WDR25: variants seen among roughly 807,000 people sequenced by gnomAD.
WDR25 encodes WD repeat-containing protein 25.
Under a neutral mutation model 47.7 loss-of-function variants are expected in WDR25, and 35 were observed. The ratio of observed to expected loss-of-function variants is 0.73; its 90% CI spans 0.56 to 0.97. The LOEUF (loss-of-function observed/expected upper bound fraction) is 0.97, where lower values mean the gene tolerates loss of function less well. Among genes scored for constraint, WDR25 ranks in the 50% least tolerant of loss-of-function variants. The pLI is 0.00. For missense variants in WDR25, 634 were observed against 704.7 expected, an observed-to-expected ratio of 0.90 and a Z score of 1.14; for synonymous variants, 248 against 278.9, an observed-to-expected ratio of 0.89 and a Z score of 1.10.
intron 2 of WDR25, among the ~76,000 whole-genome samples, chr14:100,451,499 C>T (rs1899031176): frequency 1.3e-5 from 2 of 152,220 alleles, no homozygotes. Context: ...GGATTACAGG[C>T]ATCAGCCACC....
chr14:100,384,357 C>A (rs1442449282), intron 2 of WDR25, among the ~76,000 whole-genome samples: 1 of 152,232 alleles, frequency 6.6e-6, no homozygotes, highest in Non-Finnish European at 1.5e-5. Flanking sequence ...TGACTTTGAA[C>A]AACTTTTCAG....
chr14:100,460,384 T>G (rs534667821), intron 2 of WDR25, among the ~76,000 whole-genome samples: 1 of 152,238 alleles, frequency 6.6e-6, no homozygotes, highest in African/African-American at 2.4e-5. Context: ...AGTGCTGGGA[T>G]TACAGGTGTG....
intron 2 of WDR25, among the ~76,000 whole-genome samples, chr14:100,402,592 G>A (rs1435386684): frequency 3.9e-5 from 6 of 152,100 alleles, no homozygotes; most frequent in African/African-American, 1.2e-4. Context: ...CAATTTCTGG[G>A]TGTTGGTTTC....
intron 2 of WDR25, among the ~76,000 whole-genome samples, chr14:100,431,033 C>G (rs2140231112): frequency 6.6e-6 from 1 of 152,340 alleles, no homozygotes. Context: ...ATTAACCACA[C>G]TTACAGATTG....
intron 2 of WDR25, among the ~76,000 whole-genome samples, chr14:100,403,806 T>C (rs917637094): frequency 6.6e-6 from 1 of 152,166 alleles, no homozygotes; most frequent in Admixed American, 6.5e-5. Context: ...CTAATTGAAA[T>C]GCACATGAAG....
chr14:100,419,843 T>G (rs866336588), intron 2 of WDR25, among the ~76,000 whole-genome samples: 1 of 152,286 alleles, frequency 6.6e-6, no homozygotes, highest in Middle Eastern at 3.4e-3. Flanking sequence ...GAGATGCAAA[T>G]GCTTAGAAAC....
intron 3 of WDR25, among the ~76,000 whole-genome samples, chr14:100,473,863 C>T (rs563539559): frequency 1.0e-3 from 154 of 152,290 alleles, no homozygotes; most frequent in African/African-American, 3.4e-3. Context: ...GCTGGAGTTT[C>T]GCTAGCGTAG....
rs1900940170 is a variant in WDR25 at position 100,502,004 on chromosome 14, C to G, written c.1101+17880C>G. Among the ~76,000 whole-genome samples the G allele has an allele frequency of 6.6e-6, 1 of 152,228 alleles. No homozygotes were observed. The highest frequency in any genetic ancestry group is 6.5e-5 in the Admixed American group (1 of 15,288). ...AGGGAGCCCTCCTTCCCTGTCCGCTCCTACCACCCTTTGGTGGATCCTATT... is the reference window on the plus strand; with the variant it reads ...AGGGAGCCCTCCTTCCCTGTCCGCTGCTACCACCCTTTGGTGGATCCTATT... On this transcript the variant is annotated intron_variant, in intron 4 of 6. Coordinates refer to ENST00000402312, the MANE Select transcript of WDR25 (RefSeq NM_001161476.3). This position sits in a 1 kb window ranked among gnomAD's most constrained non-coding sequence, Gnocchi z 4.5.
intron 2 of WDR25, among the ~76,000 whole-genome samples, chr14:100,393,224 G>A (rs1424828729): frequency 2.0e-5 from 3 of 152,206 alleles, no homozygotes; most frequent in African/African-American, 4.8e-5. Context: ...TACTCACAGT[G>A]TATTTACACA....
chr14:100,490,295 G>A (rs1900520430), intron 4 of WDR25, among the ~76,000 whole-genome samples: 1 of 152,222 alleles, frequency 6.6e-6, no homozygotes, highest in Admixed American at 6.5e-5. Flanking sequence ...AGGGAGGGAG[G>A]GGAGGCAGGA....
At chr14:100,420,721 C>T (rs2140211486) in intron 2 of WDR25, among the ~76,000 whole-genome samples, 1 of 152,282 alleles carries the variant, frequency 6.6e-6, no homozygotes, top group African/African-American at 2.4e-5. Context: ...ATGTGGTGTT[C>T]ACCACTGTAT....
At chr14:100,411,258 C>T (rs1362647925) in intron 2 of WDR25, among the ~76,000 whole-genome samples, 2 of 152,052 alleles carry the variant, frequency 1.3e-5, no homozygotes, top group Non-Finnish European at 2.9e-5. Context: ...GCAAGCAACC[C>T]CAAGGTGCCT....
rs144635721 is a variant in WDR25, at chr14:100,529,833, C to T, written c.1427C>T (p.Ser476Leu). The change falls in exon 7 of 7, where the codon TCA becomes TTA. Residue 476 changes from serine (S) to leucine (L), a missense_variant. By Grantham distance (145) the Ser-to-Leu change is moderately radical. Transcript: ENST00000402312. The surrounding 1 kb of genome is among the most constrained non-coding windows in gnomAD (Gnocchi z 5.1). ...CCCTCTCTGCAGGTGGAGGGCTACT[C>T]AGTGGGCTGCGAGTGCTCCCCAGGC... Reference protein sequence around the residue: ...RYEGHKVEGYSVGCECSPGGD... With the variant: ...RYEGHKVEGYLVGCECSPGGD... 3.7e-6 allele frequency: 6 copies of T among 1,612,022 alleles called. No homozygotes were observed. The Admixed American group carries it at 5.0e-5, about 13-fold the overall frequency.
At chr14:100,448,043 A>C (rs1898895052) in intron 2 of WDR25, among the ~76,000 whole-genome samples, 2 of 152,256 alleles carry the variant, frequency 1.3e-5, no homozygotes, top group South Asian at 2.1e-4. Flanking sequence ...AAAATACAAA[A>C]AATTAGCCAG....
intron 2 of WDR25, among the ~76,000 whole-genome samples, chr14:100,419,240 A>C (rs2140208767): frequency 6.6e-6 from 1 of 151,586 alleles, no homozygotes; most frequent in Admixed American, 6.6e-5. Context: ...AAAAAAAAAA[A>C]ATTTATTTCC....
At chr14:100,426,480 G>T (rs8017347) in intron 2 of WDR25, among the ~76,000 whole-genome samples, 7,069 of 152,310 alleles carry the variant, frequency 0.046, 528 homozygotes, top group African/African-American at 0.16. Context: ...TCAGGCAGGC[G>T]TGCAGAGCTG....
intron 2 of WDR25, among the ~76,000 whole-genome samples, chr14:100,389,764 G>A (rs76124828): frequency 0.039 from 5,986 of 152,264 alleles, 320 homozygotes; most frequent in African/African-American, 0.12. Context: ...CAACCAAAGC[G>A]GCCCTAGAAC....
chr14:100,425,404 A>C lies in WDR25; in HGVS notation c.823-42617A>C, dbSNP rs1898139238. 6.6e-6 allele frequency among the ~76,000 whole-genome samples: 1 copy of C among 152,264 alleles called. No individual in the cohort carries two copies. The highest frequency in any genetic ancestry group is 6.5e-5 in the Admixed American group (1 of 15,288). On this transcript the variant is annotated intron_variant, in intron 2 of 6. Coordinates refer to ENST00000402312, the MANE Select transcript of WDR25 (RefSeq NM_001161476.3). This position sits in a 1 kb window ranked among gnomAD's most constrained non-coding sequence, Gnocchi z 4.8. ...ATATACAAATGTTGCCATAGGTTGC[A>C]GAGCTAAAAATTAGGGAGGCTAGGA...
intron 2 of WDR25, among the ~76,000 whole-genome samples, chr14:100,395,085 C>T (rs576945052): frequency 6.0e-4 from 92 of 152,318 alleles, no homozygotes; most frequent in Non-Finnish European, 1.1e-3. Context: ...AGTGCTTGGG[C>T]TGGTCATCAG....
Sources: allele counts gnomAD v4.1 joint callset (sites outside exome capture counted in the v4.1 genomes callset), GRCh38; gene constraint gnomAD v4.1.1; non-coding constraint Gnocchi (gnomAD v3.1); transcripts MANE v1.5; gene names NCBI Gene and HGNC (gene_info 2026-07-23, HGNC 2026-07-21).